The following KLHL5 variants were observed in gnomAD, a reference collection of about 807,000 sequenced individuals.
KLHL5 encodes the protein kelch like family member 5, also known as kelch-like protein 5.
Under a neutral mutation model 77.7 loss-of-function variants are expected in KLHL5, and 48 were observed. That is an observed-to-expected ratio of 0.62 (90% CI 0.49 to 0.79). The LOEUF (loss-of-function observed/expected upper bound fraction) is 0.79. Ranked by LOEUF, KLHL5 falls within the 30% of genes least tolerant of loss-of-function variation. The pLI is 0.00. For synonymous variants in KLHL5, 260 were observed against 297.0 expected (o/e 0.88, Z 1.28); for missense variants, 723 against 859.7 (o/e 0.84, Z 1.99).
intron 2 of KLHL5, among the ~76,000 whole-genome samples, chr4:39,078,502 C>T (rs1278618502): frequency 6.6e-6 from 1 of 152,126 alleles, no homozygotes. Flanking sequence ...CCAGACCAGC[C>T]TGGCCAACAT....
At chr4:39,045,453 G>A (rs1471441203) in intron 1 of KLHL5, among the ~76,000 whole-genome samples, 1 of 151,980 alleles carries the variant, frequency 6.6e-6, no homozygotes, top group Non-Finnish European at 1.5e-5. Context: ...TTCCCGGACT[G>A]TCCCTGCCAA....
In KLHL5 at chr4:39,107,817, ATACT is replaced by A. The variant is rs531023956; in HGVS notation, c.1688+90_1688+93del. The A allele has an allele frequency of 1.5e-3, 1,456 of 949,622 alleles. 17 individuals carry two copies. The African/African-American group carries it at 0.02, about 13-fold the overall frequency. The allele number at this position is 949,622 out of a possible 1,614,324, so 58.8% of individuals were successfully genotyped here. A position where few individuals can be genotyped will look rare whatever the true frequency, so the allele number is the denominator to read the frequency against. ...ATTTCTAATTTAAAGATATACATAA[ATACT>A]TACAGTGATTTGAAGAAACTTTTAA... On this transcript the variant is annotated intron_variant, in intron 8 of 10. Transcript: ENST00000504108.
chr4:39,109,174 T>C (rs1002768807), intron 8 of KLHL5, among the ~76,000 whole-genome samples: 75 of 152,346 alleles, frequency 4.9e-4, no homozygotes, highest in African/African-American at 1.7e-3. Flanking sequence ...AAACCAACGA[T>C]GCATCTTTTC....
intron 10 of KLHL5, among the ~76,000 whole-genome samples, chr4:39,119,909 G>A (rs111377508): frequency 0.024 from 3,206 of 133,938 alleles, 102 homozygotes; most frequent in African/African-American, 0.076. Context: ...CTATCAATAA[G>A]TATGGTTTTA....
chr4:39,077,064 CAAAT>C (rs1470876945), intron 2 of KLHL5, among the ~76,000 whole-genome samples: 6 of 148,168 alleles, frequency 4.0e-5, no homozygotes, highest in African/African-American at 1.0e-4. Context: ...CCAAAAAACT[CAAAT>C]AAATCAGAAA....
intron 1 of KLHL5, among the ~76,000 whole-genome samples, chr4:39,071,967 C>T (rs1718518988): frequency 6.6e-6 from 1 of 152,092 alleles, no homozygotes; most frequent in Non-Finnish European, 1.5e-5. Flanking sequence ...TGTATTTCCT[C>T]TGTTGTTATG....
intron 8 of KLHL5, among the ~76,000 whole-genome samples, chr4:39,109,444 G>A (rs1016704307): frequency 6.6e-6 from 1 of 151,658 alleles, no homozygotes; most frequent in Non-Finnish European, 1.5e-5. Flanking sequence ...GACTACAGGT[G>A]TGCACTACCA....
intron 8 of KLHL5, among the ~76,000 whole-genome samples, chr4:39,109,912 C>T (rs1169371210): frequency 5.3e-5 from 8 of 152,092 alleles, no homozygotes; most frequent in Non-Finnish European, 1.0e-4. Context: ...TCTCAAACTC[C>T]TGACCTCAAG....
chr4:39,127,668 T>C (rs1405530591), downstream of KLHL5, among the ~76,000 whole-genome samples: 1 of 152,132 alleles, frequency 6.6e-6, no homozygotes, highest in Non-Finnish European at 1.5e-5. Flanking sequence ...TCTCACGTTG[T>C]TACCCAGGCT....
Position 39,062,707 on chromosome 4 carries a change from A to G in KLHL5, c.55A>G (p.Arg19Gly). 1 of 1,614,086 alleles carries G rather than the reference A, an allele frequency of 6.2e-7. No homozygotes were observed. The highest frequency in any genetic ancestry group is 1.1e-5 in the South Asian group (1 of 91,080). The stretch of plus-strand genomic sequence containing the variant: ...GAAACAGATTTTGAAAATCAGATGG[A>G]GGTGGTTTGGTCATCAAGCATCATC... ...DVKQILKIRW[R>G]WFGHQASSPN... The change falls in exon 1 of 11, where the codon AGG (arginine) becomes GGG (glycine). Residue 19 changes from arginine to glycine, a missense_variant. Arg to Gly is a moderately radical substitution (Grantham distance 125, BLOSUM62 -2). Coordinates refer to ENST00000504108, the MANE Select transcript of KLHL5 (RefSeq NM_015990.5).
chr4:39,085,981 C>T (rs1385914735), intron 4 of KLHL5, among the ~76,000 whole-genome samples: 1 of 152,128 alleles, frequency 6.6e-6, no homozygotes, highest in Non-Finnish European at 1.5e-5. Context: ...AGAACAAATA[C>T]TCATTCCAGG....
At chr4:39,120,714 G>A (rs1356829268) in intron 10 of KLHL5, among the ~76,000 whole-genome samples, 1 of 152,146 alleles carries the variant, frequency 6.6e-6, no homozygotes, top group Non-Finnish European at 1.5e-5. Flanking sequence ...GTATCATTTT[G>A]GCTAAAATAG....
Position 39,082,050 on chromosome 4 carries a change from G to A in KLHL5, c.791G>A (p.Cys264Tyr). The change falls in exon 4 of 11, where the codon TGT becomes TAT. Residue 264 changes from cysteine (C) to tyrosine (Y), a missense_variant. Coordinates refer to ENST00000504108, the MANE Select transcript of KLHL5 (RefSeq NM_015990.5). Reference sequence around the variant, plus strand: ...CTTTCACAGGTTGTAGAAGCATGCTGTAAGTTTTTAATGAAACAGCTTCAT... The same window carrying A: ...CTTTCACAGGTTGTAGAAGCATGCTATAAGTTTTTAATGAAACAGCTTCAT... ...LQLSQVVEACCKFLMKQLHPS... is the reference protein window; with the variant it reads ...LQLSQVVEACYKFLMKQLHPS... 6.2e-7 allele frequency: 1 copy of A among 1,614,062 alleles called. No homozygotes were observed. Among genetic ancestry groups the A allele is most frequent in the Non-Finnish European group, 8.5e-7 (1 of 1,179,932 alleles).
At chr4:39,111,709 T>G (rs1362179856) in intron 8 of KLHL5, among the ~76,000 whole-genome samples, 1 of 152,154 alleles carries the variant, frequency 6.6e-6, no homozygotes, top group Non-Finnish European at 1.5e-5. Flanking sequence ...ATAAAAAGTT[T>G]TATGATAAAT....
chr4:39,071,169 A>G (rs1718441940), intron 1 of KLHL5, among the ~76,000 whole-genome samples: 1 of 152,144 alleles, frequency 6.6e-6, no homozygotes, highest in Non-Finnish European at 1.5e-5. Flanking sequence ...ATATGTATCA[A>G]ATTTAGAGAC....
rs1723303079 is a variant in KLHL5 at position 39,122,877 on chromosome 4, AAG to A, written c.*1814_*1815del. Among the ~76,000 whole-genome samples the A allele has an allele frequency of 6.6e-6, 1 of 152,048 alleles. No homozygotes were observed. The highest frequency in any genetic ancestry group is 2.1e-4 in the South Asian group (1 of 4,828). Reference sequence around the variant, plus strand: ...TGTGAGGAATTATTTTAATAAAAAAAAGAGGGTTTATGCTCTATAGTAATAAA... The same window carrying A: ...TGTGAGGAATTATTTTAATAAAAAAAAGGGTTTATGCTCTATAGTAATAAA... On this transcript the variant is annotated 3_prime_UTR_variant, in exon 11 of 11. Transcript: ENST00000504108.
At chr4:39,054,814 C>T (rs1716898972) in intron 1 of KLHL5, among the ~76,000 whole-genome samples, 1 of 152,180 alleles carries the variant, frequency 6.6e-6, no homozygotes, top group African/African-American at 2.4e-5. Flanking sequence ...TAGCATGGGC[C>T]AACTGAACAC....
chr4:39,079,362 C>T (rs1481482661), intron 2 of KLHL5, among the ~76,000 whole-genome samples: 4 of 152,146 alleles, frequency 2.6e-5, no homozygotes, highest in Non-Finnish European at 5.9e-5. Context: ...ATGGCGTACA[C>T]GATCCAGCCT....
At chr4:39,060,441 T>TACCACCACCACCACCACCACCACCACC (rs71192817), upstream of KLHL5, among the ~76,000 whole-genome samples, 1 of 148,850 alleles carries the variant, frequency 6.7e-6, no homozygotes, top group African/African-American at 2.5e-5. Flanking sequence ...ACTAAAAATC[T>TACCACCACCACCACCACCACCACCACC]ACCACCACCA....
Sources: gnomAD v4.1 joint callset for allele counts (sites outside exome capture counted in the v4.1 genomes callset) on GRCh38, gnomAD v4.1.1 for gene constraint, MANE v1.5 for transcripts, NCBI Gene and HGNC (gene_info 2026-07-23, HGNC 2026-07-21) for gene names.